Variants in TPST1 observed in about 807,000 individuals in gnomAD.
The protein encoded by TPST1 is tyrosylprotein sulfotransferase 1, also known as protein-tyrosine sulfotransferase 1.
Under a neutral mutation model 34.8 loss-of-function variants are expected in TPST1, and 20 were observed. That is an observed-to-expected ratio of 0.57 (90% CI 0.40 to 0.84). The LOEUF (loss-of-function observed/expected upper bound fraction) is 0.84, where lower values mean the gene tolerates loss of function less well. Among genes scored for constraint, TPST1 ranks in the 40% least tolerant of loss-of-function variants. The probability of loss-of-function intolerance (pLI) is 0.00; values close to 1 mark genes in which losing one functional copy is unlikely to be tolerated. For missense variants in TPST1, 353 were observed against 455.5 expected, an observed-to-expected ratio of 0.78 and a Z score of 2.05; for synonymous variants, 152 against 159.4, an observed-to-expected ratio of 0.95 and a Z score of 0.35.
intron 1 of TPST1, among the ~76,000 whole-genome samples, chr7:66,227,099 T>C (rs1789674156): frequency 7.4e-6 from 1 of 134,686 alleles, no homozygotes; most frequent in Admixed American, 8.7e-5. Flanking sequence ...AGTGGTGCAG[T>C]CTCAACTCAC....
At position 66,328,079 on chromosome 7, in the gene TPST1, T is replaced by C. The variant is rs568828232; in HGVS notation, c.1045-24426T>C. ...CTCTGTTACCCAGACCAGGCTGGAG[T>C]GCATTGGTGCGATCTCAGCTCACTG... On this transcript the variant is annotated intron_variant, in intron 3 of 5. Transcript: ENST00000304842. Among the ~76,000 whole-genome samples, 14 of 131,936 alleles carry C rather than the reference T, an allele frequency of 1.1e-4. No individual in the cohort carries two copies. In the South Asian group the frequency reaches 3.7e-3, roughly 34 times the overall value. 86.6% of individuals were successfully genotyped at this position (131,936 alleles called of 152,430 possible). A position where few individuals can be genotyped will look rare whatever the true frequency, so the allele number is the denominator to read the frequency against.
chr7:66,270,281 G>T (rs1332405545), intron 2 of TPST1, among the ~76,000 whole-genome samples: 1 of 152,148 alleles, frequency 6.6e-6, no homozygotes, highest in Admixed American at 6.5e-5. Context: ...GTGGGACCTT[G>T]TAGACCACTG....
intron 2 of TPST1, among the ~76,000 whole-genome samples, chr7:66,253,543 T>A (rs962141085): frequency 6.6e-6 from 1 of 151,636 alleles, no homozygotes; most frequent in Non-Finnish European, 1.5e-5. Context: ...GGCTAATTTT[T>A]TGTATTTTTA....
At chr7:66,328,906 A>ATATATTTTTTTT in intron 3 of TPST1, among the ~76,000 whole-genome samples, 3 of 13,156 alleles carry the variant, frequency 2.3e-4, no homozygotes, top group African/African-American at 5.6e-4. Context: ...ATATATATAT[A>ATATATTTTTTTT]TTTTTTTTTT....
chr7:66,358,828 A>C (rs770672871), intron 5 of TPST1, among the ~76,000 whole-genome samples: 2 of 152,132 alleles, frequency 1.3e-5, no homozygotes, highest in Non-Finnish European at 2.9e-5. Flanking sequence ...CACCAAACAC[A>C]CACAAGGCCT....
intron 3 of TPST1, among the ~76,000 whole-genome samples, chr7:66,334,755 C>T (rs1343223050): frequency 6.6e-6 from 1 of 151,982 alleles, no homozygotes; most frequent in African/African-American, 2.4e-5. Context: ...GTGGTCATTT[C>T]AGACTGTGCC....
chr7:66,209,328 C>T lies in TPST1; in HGVS notation c.-102+3806C>T, dbSNP rs1789197526. The stretch of plus-strand genomic sequence containing the variant: ...GGAAAGAACTGGTAATTTGGAAAGG[C>T]TGGAGAATGGGCATAATGAGCAATG... On this transcript the variant is annotated intron_variant, in intron 1 of 5. Coordinates refer to ENST00000304842, the MANE Select transcript of TPST1 (RefSeq NM_003596.4). Among the ~76,000 whole-genome samples the T allele has an allele frequency of 2.6e-5, 4 of 152,190 alleles. No homozygotes were observed. The Middle Eastern group carries it at 0.01, about 388-fold the overall frequency.
At chr7:66,212,241 A>G (rs77094285) in intron 1 of TPST1, among the ~76,000 whole-genome samples, 2,451 of 152,278 alleles carry the variant, frequency 0.016, 63 homozygotes, top group East Asian at 0.092. Flanking sequence ...AAAACTGTCA[A>G]TTTGATAAAA....
Position 66,273,190 on chromosome 7 carries a change from CA to C in TPST1, c.846-13313del, listed in dbSNP as rs1338218503. 3.2e-4 allele frequency among the ~76,000 whole-genome samples: 48 copies of C among 151,214 alleles called. 1 individual carries two copies. The East Asian group carries it at 8.3e-3, about 26-fold the overall frequency. ...AAACAATCTCATTCACAATAGCTAC[CA>C]AAAAAAAGACTTATGAATAAATTTA... On this transcript the variant is annotated intron_variant, in intron 2 of 5. Coordinates refer to ENST00000304842, the MANE Select transcript of TPST1 (RefSeq NM_003596.4).
At chr7:66,215,707 AT>A (rs1053027597) in intron 1 of TPST1, among the ~76,000 whole-genome samples, 72 of 138,632 alleles carry the variant, frequency 5.2e-4, no homozygotes, top group Admixed American at 1.6e-3. Context: ...ATTAGTGTCA[AT>A]TTTTTTTTTT....
At chr7:66,230,951 C>A (rs1204738286) in intron 1 of TPST1, among the ~76,000 whole-genome samples, 5 of 152,166 alleles carry the variant, frequency 3.3e-5, no homozygotes, top group Admixed American at 6.5e-5. Context: ...AAGGCCCCAC[C>A]AGAGCAGCTA....
At chr7:66,306,366 T>G (rs1405487982) in intron 3 of TPST1, among the ~76,000 whole-genome samples, 5 of 152,224 alleles carry the variant, frequency 3.3e-5, no homozygotes, top group Non-Finnish European at 7.3e-5. Flanking sequence ...TGTGCATGTG[T>G]GATTCAGAGG....
chr7:66,223,980 T>C (rs1789598323), intron 1 of TPST1, among the ~76,000 whole-genome samples: 1 of 152,220 alleles, frequency 6.6e-6, no homozygotes, highest in African/African-American at 2.4e-5. Flanking sequence ...GTTCTTGGTA[T>C]GGGTTTTTTT....
intron 2 of TPST1, among the ~76,000 whole-genome samples, chr7:66,245,892 GTTTTGT>G (rs1460409155): frequency 6.6e-6 from 1 of 152,086 alleles, no homozygotes; most frequent in Non-Finnish European, 1.5e-5. Flanking sequence ...TACATGTGGT[GTTTTGT>G]TTTTGTTTTT....
At chr7:66,297,321 T>C (rs1173480235) in intron 3 of TPST1, among the ~76,000 whole-genome samples, 2 of 152,164 alleles carry the variant, frequency 1.3e-5, no homozygotes, top group Non-Finnish European at 2.9e-5. Context: ...AAATTCAAAG[T>C]CCAAAATTGA....
At chr7:66,323,791 A>G (rs1294904902) in intron 3 of TPST1, among the ~76,000 whole-genome samples, 1 of 152,164 alleles carries the variant, frequency 6.6e-6, no homozygotes, top group African/African-American at 2.4e-5. Context: ...ATACTACTTC[A>G]CACCCACCGG....
At chr7:66,212,360 A>G (rs899567887) in intron 1 of TPST1, among the ~76,000 whole-genome samples, 3 of 152,192 alleles carry the variant, frequency 2.0e-5, no homozygotes, top group Non-Finnish European at 2.9e-5. Context: ...GGGATTGGTG[A>G]TGGGTAGGAA....
At chr7:66,214,386 AT>A (rs1042426812) in intron 1 of TPST1, among the ~76,000 whole-genome samples, 2 of 150,840 alleles carry the variant, frequency 1.3e-5, no homozygotes, top group South Asian at 4.2e-4. Context: ...TTTTTTTGTA[AT>A]TTTAAAGTAT....
intron 2 of TPST1, among the ~76,000 whole-genome samples, chr7:66,266,534 G>T (rs1204326050): frequency 1.3e-5 from 2 of 152,152 alleles, no homozygotes; most frequent in Non-Finnish European, 2.9e-5. Context: ...ACAACATAAA[G>T]AAGTTATACA....
Sources: gnomAD v4.1 joint callset for allele counts (sites outside exome capture counted in the v4.1 genomes callset) on GRCh38, gnomAD v4.1.1 for gene constraint, MANE v1.5 for transcripts, NCBI Gene and HGNC (gene_info 2026-07-23, HGNC 2026-07-21) for gene names.